Variants in BAZ2B observed in about 807,000 individuals in gnomAD.
BAZ2B encodes bromodomain adjacent to zinc finger domain protein 2B.
BAZ2B carries 91 observed loss-of-function variants against 246.0 expected under a neutral mutation model. That is an observed-to-expected ratio of 0.37 (90% CI 0.31 to 0.44). The LOEUF is 0.44. Ranked by LOEUF, BAZ2B falls within the 20% of genes least tolerant of loss-of-function variation. The probability of loss-of-function intolerance (pLI) is 1.00; values close to 1 mark genes in which losing one functional copy is unlikely to be tolerated. For missense variants in BAZ2B, 2,332 were observed against 2,533.7 expected (o/e 0.92, Z 1.71); for synonymous variants, 855 against 860.0 (o/e 0.99, Z 0.10).
chr2:159,576,664 A>G (rs1365368205), intron 1 of BAZ2B, among the ~76,000 whole-genome samples: 1 of 151,984 alleles, frequency 6.6e-6, no homozygotes, highest in Non-Finnish European at 1.5e-5. Flanking sequence ...CTGTAATCCC[A>G]GTACTTTGGG....
At chr2:159,695,182 T>C in the BAZ2B span, 93 of 152,364 alleles carry the variant, frequency 6.1e-4, no homozygotes, top group African/African-American at 1.8e-3. Flanking sequence ...CAATAATGAT[T>C]GTAAGCTATT....
At chr2:159,423,502 G>A (rs1388086494) in intron 13 of BAZ2B, among the ~76,000 whole-genome samples, 1 of 152,094 alleles carries the variant, frequency 6.6e-6, no homozygotes, top group African/African-American at 2.4e-5. Flanking sequence ...ATTAGACCCA[G>A]CAATCCCACT....
rs569445152 is a variant in BAZ2B, at chr2:159,538,042, G to A, written c.-3+17781C>T. Among the ~76,000 whole-genome samples the A allele has an allele frequency of 6.4e-4, 97 of 152,200 alleles. 1 individual carries two copies. The highest frequency in any genetic ancestry group is 4.6e-3 in the South Asian group (22 of 4,824). ...GGAGGAGTCTCACTCTGTTGCTCAGGCTGCAGTGCAGTGGCCCGATCTTGG... is the reference window on the plus strand; with the variant it reads ...GGAGGAGTCTCACTCTGTTGCTCAGACTGCAGTGCAGTGGCCCGATCTTGG... On this transcript the variant is annotated intron_variant, in intron 2 of 36. Transcript: ENST00000392783.
At chr2:159,471,163 T>TGA (rs1438330649) in intron 3 of BAZ2B, among the ~76,000 whole-genome samples, 1 of 152,074 alleles carries the variant, frequency 6.6e-6, no homozygotes, top group Non-Finnish European at 1.5e-5. Context: ...TTGAATGAGA[T>TGA]GAGGCTAGAA....
chr2:159,487,123 A>C (rs2079926269), intron 2 of BAZ2B, among the ~76,000 whole-genome samples: 1 of 152,150 alleles, frequency 6.6e-6, no homozygotes, highest in Non-Finnish European at 1.5e-5. Context: ...GATTGTATTA[A>C]TGACAGTTAA....
Position 159,385,240 on chromosome 2 carries a change from C to T in BAZ2B, c.3601G>A (p.Ala1201Thr). Residue 1201 changes from alanine (A) to threonine (T), a missense_variant, in exon 23 of 37, where the codon GCT (alanine) becomes ACT (threonine). By Grantham distance (58) the Ala-to-Thr change is moderately conservative (BLOSUM62 0). Coordinates refer to ENST00000392783, the MANE Select transcript of BAZ2B (RefSeq NM_013450.4). Reference sequence around the variant, plus strand: ...TGTGCTGGAGTGTGAGCCTGAAAAGCTTTGGTCTTCAGACTTTCAGTAAGC... The same window carrying T: ...TGTGCTGGAGTGTGAGCCTGAAAAGTTTTGGTCTTCAGACTTTCAGTAAGC... ...TELTESLKTKAFQAHTPAQKA... is the reference protein window; with the variant it reads ...TELTESLKTKTFQAHTPAQKA... 1.2e-6 allele frequency: 2 copies of T among 1,613,580 alleles called. No homozygotes were observed. The highest frequency in any genetic ancestry group is 1.7e-6 in the Non-Finnish European group (2 of 1,179,688).
intron 14 of BAZ2B, among the ~76,000 whole-genome samples, chr2:159,411,175 C>T (rs574351848): frequency 6.6e-6 from 1 of 152,292 alleles, no homozygotes; most frequent in South Asian, 2.1e-4. Flanking sequence ...GAGTGTGCCA[C>T]TACACCTGGC....
the BAZ2B span, among the ~76,000 whole-genome samples, chr2:159,696,906 C>T: frequency 1.0e-3 from 155 of 152,316 alleles, 2 homozygotes; most frequent in East Asian, 0.027. Flanking sequence ...CATGCCTCAG[C>T]CTCCCAAGTA....
chr2:159,409,295 A>G (rs916460567), intron 14 of BAZ2B, among the ~76,000 whole-genome samples: 2 of 152,210 alleles, frequency 1.3e-5, no homozygotes, highest in African/African-American at 2.4e-5. Flanking sequence ...TGTACATCTT[A>G]AAATAACGGT....
the BAZ2B span, among the ~76,000 whole-genome samples, chr2:159,654,740 G>A: frequency 2.0e-5 from 3 of 152,236 alleles, no homozygotes; most frequent in African/African-American, 7.2e-5. Flanking sequence ...TTTGGGAGGT[G>A]GATCACTTGA....
At chr2:159,642,815 C>T in the BAZ2B span, among the ~76,000 whole-genome samples, 2 of 152,146 alleles carry the variant, frequency 1.3e-5, no homozygotes, top group Non-Finnish European at 2.9e-5. Context: ...TTTTCTAAGC[C>T]TCGGTGAATT....
chr2:159,366,177 C>T lies in BAZ2B; in HGVS notation c.4213+6868G>A, dbSNP rs118041186. 7.8e-4 allele frequency among the ~76,000 whole-genome samples: 119 copies of T among 152,278 alleles called. 1 individual carries two copies. The East Asian group carries it at 0.019, about 24-fold the overall frequency. ...GCAGAAAACACCTACTCTTACATCTCGGCTCCCAGTGGATCCATGCCCCAC... is the reference window on the plus strand; with the variant it reads ...GCAGAAAACACCTACTCTTACATCTTGGCTCCCAGTGGATCCATGCCCCAC... On this transcript the variant is annotated intron_variant, in intron 27 of 36. Transcript: ENST00000392783.
chr2:159,648,133 A>G, the BAZ2B span, among the ~76,000 whole-genome samples: 2 of 151,304 alleles, frequency 1.3e-5, no homozygotes, highest in African/African-American at 4.9e-5. Context: ...TTGTTTGTTT[A>G]TTTATTTATT....
chr2:159,566,029 CAGA>C (rs1004049808), intron 1 of BAZ2B, among the ~76,000 whole-genome samples: 66 of 151,896 alleles, frequency 4.3e-4, no homozygotes, highest in African/African-American at 1.5e-3. Flanking sequence ...TTTTGTTTTT[CAGA>C]AGGAGTTTCG....
chr2:159,482,971 C>T (rs1371312262), intron 2 of BAZ2B, among the ~76,000 whole-genome samples: 1 of 152,128 alleles, frequency 6.6e-6, no homozygotes, highest in Non-Finnish European at 1.5e-5. Flanking sequence ...CTATAATGGC[C>T]TCTCGTTCTG....
chr2:159,667,597 AAAAT>A, the BAZ2B span, among the ~76,000 whole-genome samples: 25,079 of 142,266 alleles, frequency 0.18, 2,294 homozygotes, highest in South Asian at 0.26. Context: ...CTCTGTCTCA[AAAAT>A]AAATAAATAA....
chr2:159,514,388 T>C (rs561379733), intron 2 of BAZ2B, among the ~76,000 whole-genome samples: 1 of 152,336 alleles, frequency 6.6e-6, no homozygotes, highest in Middle Eastern at 3.4e-3. Context: ...AACAGCCTAT[T>C]AATTTTCTGC....
At chr2:159,572,244 G>A (rs991075889) in intron 1 of BAZ2B, among the ~76,000 whole-genome samples, 5 of 152,146 alleles carry the variant, frequency 3.3e-5, no homozygotes, top group Non-Finnish European at 4.4e-5. Context: ...AAACTGATAA[G>A]TATAGCACTT....
the BAZ2B span, among the ~76,000 whole-genome samples, chr2:159,656,921 CT>C: frequency 2.6e-5 from 4 of 152,084 alleles, no homozygotes; most frequent in African/African-American, 9.7e-5. Flanking sequence ...CAAATATTTT[CT>C]CCCACTCTGT....
Sources: gnomAD v4.1 joint callset for allele counts (sites outside exome capture counted in the v4.1 genomes callset) on GRCh38, gnomAD v4.1.1 for gene constraint, MANE v1.5 for transcripts, NCBI Gene and HGNC (gene_info 2026-07-23, HGNC 2026-07-21) for gene names.